PPP1R2: variants seen among roughly 807,000 people sequenced by gnomAD.
PPP1R2 encodes the protein protein phosphatase inhibitor 2.
PPP1R2 carries 16 observed loss-of-function variants against 29.9 expected under a neutral mutation model. The ratio of observed to expected loss-of-function variants is 0.53; its 90% CI spans 0.36 to 0.81. The LOEUF (loss-of-function observed/expected upper bound fraction) is 0.81. Among genes scored for constraint, PPP1R2 ranks in the 30% least tolerant of loss-of-function variants. PPP1R2 has a pLI of 0.00. For synonymous variants in PPP1R2, 76 were observed against 91.5 expected (o/e 0.83, Z 0.96); for missense variants, 197 against 252.7 (o/e 0.78, Z 1.49).
intron 1 of PPP1R2, 135 bp downstream of exon 1, chr3:195,542,769 C>G: frequency 9.3e-6 from 10 of 1,079,268 alleles, no homozygotes; most frequent in Non-Finnish European, 1.1e-5. Context: ...CTCCCACCCG[C>G]GGCTAGCCGG....
intron 1 of PPP1R2, among the ~76,000 whole-genome samples, chr3:195,537,211 GTTTT>G (rs869052088): frequency 2.0e-5 from 1 of 50,000 alleles, no homozygotes; most frequent in South Asian, 8.8e-4. Flanking sequence ...AGTTGCTTGT[GTTTT>G]TTTACCTTCT....
intron 1 of PPP1R2, among the ~76,000 whole-genome samples, chr3:195,540,641 T>C (rs1719558826): frequency 6.6e-6 from 1 of 152,066 alleles, no homozygotes. Context: ...TATTCACGGA[T>C]TAATGGGTTA....
rs1200060934 is a variant in PPP1R2, at chr3:195,532,220, T to TC, written c.123-2320_123-2319insG. 1.5e-3 allele frequency among the ~76,000 whole-genome samples: 217 copies of TC among 145,202 alleles called. 1 individual carries two copies. The highest frequency in any genetic ancestry group is 4.5e-3 in the African/African-American group (174 of 38,492). The stretch of plus-strand genomic sequence containing the variant: ...TAATTTTTCTTTTTCTTTTTCTTTT[T>TC]TTTTTTTTTTTTTTACAGGTGGAGT... On this transcript the variant is annotated intron_variant, in intron 1 of 5. Coordinates refer to ENST00000618156, the MANE Select transcript of PPP1R2 (RefSeq NM_006241.8).
rs1403668168 is a variant in PPP1R2 at position 195,534,888 on chromosome 3, T to C, written c.123-4987A>G. ...GTACCTTTTAAAGTTGTTTTGATTC[T>C]GGACAATGTCTCTCTTTGGCCACCT... On this transcript the variant is annotated intron_variant, in intron 1 of 5. Coordinates refer to ENST00000618156, the MANE Select transcript of PPP1R2 (RefSeq NM_006241.8). Among the ~76,000 whole-genome samples, 4 of 152,180 alleles carry C rather than the reference T, an allele frequency of 2.6e-5. No individual in the cohort carries two copies. In the South Asian group the frequency reaches 6.2e-4, roughly 24 times the overall value.
At chr3:195,526,015 A>G (rs113819054) in intron 2 of PPP1R2, among the ~76,000 whole-genome samples, 12 of 152,354 alleles carry the variant, frequency 7.9e-5, no homozygotes, top group African/African-American at 2.6e-4. Flanking sequence ...ACATGTATAC[A>G]GAAGCAATAA....
At chr3:195,520,888 T>C (rs1450763028) in intron 4 of PPP1R2, among the ~76,000 whole-genome samples, 1 of 151,658 alleles carries the variant, frequency 6.6e-6, no homozygotes, top group African/African-American at 2.4e-5. Flanking sequence ...AGGCTGGTCT[T>C]GAACTCCTGA....
intron 2 of PPP1R2, chr3:195,528,702 A>ACTTTTTTT (rs1719069862): frequency 1.7e-5 from 1 of 59,968 alleles, no homozygotes; most frequent in African/African-American, 7.9e-5. Flanking sequence ...GGGCATAACT[A>ACTTTTTTT]TTTTTTTTTT....
At chr3:195,542,016 A>T (rs142254989) in intron 1 of PPP1R2, among the ~76,000 whole-genome samples, 239 of 152,294 alleles carry the variant, frequency 1.6e-3, no homozygotes, top group African/African-American at 5.4e-3. Flanking sequence ...TTCAATGGTA[A>T]CTTTTCTTAA....
intron 4 of PPP1R2, 159 bp from the exon 5 acceptor site, chr3:195,519,344 G>A (rs1718669678): frequency 1.7e-6 from 1 of 575,474 alleles, no homozygotes; most frequent in African/African-American, 1.9e-5. Context: ...GTTCGTAATA[G>A]AGACCACTGG....
chr3:195,539,451 C>T (rs191727848), intron 1 of PPP1R2, among the ~76,000 whole-genome samples: 1 of 152,306 alleles, frequency 6.6e-6, no homozygotes, highest in Admixed American at 6.5e-5. Context: ...GGCATGGTGG[C>T]TCTCACCTGT....
chr3:195,522,022 G>A (rs973879651), intron 4 of PPP1R2, among the ~76,000 whole-genome samples: 1 of 152,108 alleles, frequency 6.6e-6, no homozygotes, highest in African/African-American at 2.4e-5. Context: ...AATACAACAA[G>A]TGAATTATTC....
At chr3:195,521,987 A>G (rs1166167942) in intron 4 of PPP1R2, among the ~76,000 whole-genome samples, 1 of 152,144 alleles carries the variant, frequency 6.6e-6, no homozygotes, top group Non-Finnish European at 1.5e-5. Flanking sequence ...AACATTTAAA[A>G]AGGTTAAGGC....
chr3:195,537,142 A>G (rs1254855275), intron 1 of PPP1R2, among the ~76,000 whole-genome samples: 1 of 152,034 alleles, frequency 6.6e-6, no homozygotes, highest in Non-Finnish European at 1.5e-5. Context: ...ATAAAACAGT[A>G]CATACAGTAT....
At chr3:195,524,667 AG>A in intron 3 of PPP1R2, 151 bp downstream of exon 3, 1 of 661,730 alleles carries the variant, frequency 1.5e-6, no homozygotes. Flanking sequence ...AGGTGAAAAA[AG>A]GGGGAAAAAA....
chr3:195,530,832 T>C (rs1719152088), intron 1 of PPP1R2, among the ~76,000 whole-genome samples: 1 of 150,444 alleles, frequency 6.6e-6, no homozygotes, highest in South Asian at 2.1e-4. Flanking sequence ...CCATTATTTT[T>C]GTTTTTTGAG....
intron 1 of PPP1R2, among the ~76,000 whole-genome samples, chr3:195,537,163 C>T (rs961223366): frequency 6.6e-6 from 1 of 151,108 alleles, no homozygotes; most frequent in Non-Finnish European, 1.5e-5. Context: ...ATATACAATA[C>T]ATATGCTGAT....
chr3:195,539,537 C>A (rs1719515140), intron 1 of PPP1R2, among the ~76,000 whole-genome samples: 1 of 152,102 alleles, frequency 6.6e-6, no homozygotes, highest in Non-Finnish European at 1.5e-5. Flanking sequence ...TATACTAAAA[C>A]CCCATCTCTA....
At chr3:195,526,319 A>C (rs2108944029) in intron 2 of PPP1R2, among the ~76,000 whole-genome samples, 1 of 152,060 alleles carries the variant, frequency 6.6e-6, no homozygotes, top group East Asian at 1.9e-4. Context: ...GCTCATCTCC[A>C]ATTCCTGAGC....
chr3:195,524,773 T>C (rs1577569312), intron 3 of PPP1R2, 46 bp downstream of exon 3: 4 of 1,584,556 alleles, frequency 2.5e-6, no homozygotes, highest in Non-Finnish European at 3.5e-6. Flanking sequence ...CTCTGCACGA[T>C]TATAAACAGC....
Sources: gnomAD v4.1 joint callset for allele counts (sites outside exome capture counted in the v4.1 genomes callset) on GRCh38, gnomAD v4.1.1 for gene constraint, MANE v1.5 for transcripts, NCBI Gene and HGNC (gene_info 2026-07-23, HGNC 2026-07-21) for gene names.